The following VGLL4 variants were observed in gnomAD, a reference collection of about 807,000 sequenced individuals.
VGLL4 encodes the protein vestigial like family member 4, also known as transcription cofactor vestigial-like protein 4.
VGLL4 carries 7 observed loss-of-function variants against 21.0 expected under a neutral mutation model. That is an observed-to-expected ratio of 0.33 (90% CI 0.19 to 0.63). The LOEUF is 0.63. Ranked by LOEUF, VGLL4 falls within the 20% of genes least tolerant of loss-of-function variation. VGLL4 has a pLI of 0.78. For missense variants in VGLL4, 394 were observed against 425.7 expected (o/e 0.93, Z 0.66); for synonymous variants, 222 against 173.2 (o/e 1.28, Z -2.21).
At chr3:11,559,757 C>T (rs1477070947) in intron 3 of VGLL4, among the ~76,000 whole-genome samples, 4 of 152,156 alleles carry the variant, frequency 2.6e-5, no homozygotes, top group Non-Finnish European at 5.9e-5. Context: ...AGACAAACAC[C>T]GGGCATCCTG....
rs1269873773 is a variant in VGLL4, at chr3:11,719,880, C to G, written c.-14+514G>C. Among the ~76,000 whole-genome samples the G allele has an allele frequency of 6.6e-6, 1 of 151,988 alleles. No individual in the cohort carries two copies. Among genetic ancestry groups the G allele is most frequent in the South Asian group, 2.1e-4 (1 of 4,836 alleles). On this transcript the variant is annotated intron_variant, in intron 1 of 5. Transcript: ENST00000273038. This position sits in a 1 kb window ranked among gnomAD's most constrained non-coding sequence, Gnocchi z 4.0. ...GGGCAGTGAGGTTTGTCGGGGCGGG[C>G]GCTCCCGAGAGGCGCCAGCGGGCAG...
chr3:11,655,551 C>A lies in VGLL4; in HGVS notation c.64+47420G>T, dbSNP rs563285981. Among the ~76,000 whole-genome samples the A allele has an allele frequency of 3.0e-3, 457 of 152,346 alleles. 1 individual carries two copies. The highest frequency in any genetic ancestry group is 7.3e-3 in the South Asian group (35 of 4,826). ...AGCCTATCTTCTTAAATTATCAACA[C>A]CCAGTAGCTGGAATAGGACTTGAAA... On this transcript the variant is annotated intron_variant, in intron 2 of 5. Coordinates refer to the VGLL4 transcript ENST00000273038.
At chr3:11,618,910 T>TTTTTACA (rs2075213733) in intron 1 of VGLL4, among the ~76,000 whole-genome samples, 1 of 152,202 alleles carries the variant, frequency 6.6e-6, no homozygotes, top group Non-Finnish European at 1.5e-5. Context: ...CCTCTCTCTC[T>TTTTTACA]TTTTACATTT....
chr3:11,706,671 CCT>C (rs1446154671), intron 1 of VGLL4, among the ~76,000 whole-genome samples: 4 of 152,194 alleles, frequency 2.6e-5, no homozygotes, highest in African/African-American at 9.6e-5. Flanking sequence ...CAGTCACTCT[CCT>C]CTCTGGCCTC....
At chr3:11,680,675 C>G (rs1575525498) in intron 2 of VGLL4, among the ~76,000 whole-genome samples, 1 of 152,340 alleles carries the variant, frequency 6.6e-6, no homozygotes, top group East Asian at 1.9e-4. Context: ...GTGCACGACT[C>G]ACTCCAGACA....
At chr3:11,683,498 C>T (rs1295443068) in intron 2 of VGLL4, among the ~76,000 whole-genome samples, 1 of 152,198 alleles carries the variant, frequency 6.6e-6, no homozygotes, top group African/African-American at 2.4e-5. Context: ...TTTGTTGCAA[C>T]ACAATTCACA....
At chr3:11,573,307 G>GAAA (rs2073899907) in intron 2 of VGLL4, among the ~76,000 whole-genome samples, 2 of 19,966 alleles carry the variant, frequency 1.0e-4, no homozygotes, top group East Asian at 1.7e-3. Flanking sequence ...AAGAAAGAAA[G>GAAA]GAAGGAAGGA....
In VGLL4 at chr3:11,671,732, T is replaced by TA. The variant is rs5846720; in HGVS notation, c.64+31238dup. ...GATCTAAAAATTCACTTTTTTTTTTTAAATAACTTCAACTGGGAAAATTCC... is the reference window on the plus strand; with the variant it reads ...GATCTAAAAATTCACTTTTTTTTTTTAAAATAACTTCAACTGGGAAAATTCC... On this transcript the variant is annotated intron_variant, in intron 2 of 5. Coordinates refer to the VGLL4 transcript ENST00000273038. Among the ~76,000 whole-genome samples the TA allele has an allele frequency of 1.5e-4, 23 of 152,048 alleles. 1 individual carries two copies. Among genetic ancestry groups the TA allele is most frequent in the African/African-American group, 5.3e-4 (22 of 41,458 alleles).
intron 1 of VGLL4, among the ~76,000 whole-genome samples, chr3:11,704,383 C>CAAAAAAAAAAAAAAAAAA (rs57593843): frequency 7.1e-4 from 49 of 69,114 alleles, no homozygotes; most frequent in Non-Finnish European, 9.6e-4. Flanking sequence ...AACTCCGTCT[C>CAAAAAAAAAAAAAAAAAA]AAAAAAAAAA....
In VGLL4 at chr3:11,653,081, C is replaced by T. The variant is rs1021363693; in HGVS notation, c.64+49890G>A. ...AGAAAATGTCCCAAATATTCAACAACTGAAGGGCTAAGTTCGCTGCTAGCC... is the reference window on the plus strand; with the variant it reads ...AGAAAATGTCCCAAATATTCAACAATTGAAGGGCTAAGTTCGCTGCTAGCC... On this transcript the variant is annotated intron_variant, in intron 2 of 5. Transcript: ENST00000273038. The surrounding 1 kb of genome is among the most constrained non-coding windows in gnomAD (Gnocchi z 4.2). Among the ~76,000 whole-genome samples, 1 of 152,186 alleles carries T rather than the reference C, an allele frequency of 6.6e-6. No individual in the cohort carries two copies. Among genetic ancestry groups the T allele is most frequent in the African/African-American group, 2.4e-5 (1 of 41,448 alleles).
chr3:11,636,642 G>A (rs887609355), intron 1 of VGLL4, among the ~76,000 whole-genome samples: 3 of 152,198 alleles, frequency 2.0e-5, no homozygotes, highest in Non-Finnish European at 4.4e-5. Flanking sequence ...TAATGCAGCA[G>A]GAAAGTCGCT....
At chr3:11,670,950 T>C (rs572962622) in intron 2 of VGLL4, among the ~76,000 whole-genome samples, 71 of 152,272 alleles carry the variant, frequency 4.7e-4, no homozygotes, top group Middle Eastern at 3.4e-3. Flanking sequence ...GGCAGAAGAA[T>C]TGCTTGAACC....
rs533848259 is a variant in VGLL4 at position 11,717,285 on chromosome 3, A to G, written c.-14+3109T>C. Among the ~76,000 whole-genome samples, 5 of 150,474 alleles carry G rather than the reference A, an allele frequency of 3.3e-5. No individual in the cohort carries two copies. The South Asian group carries it at 1.1e-3, about 32-fold the overall frequency. ...CAACTTTTAGTACTTTTGTTAGGTC[A>G]TGTTCAAAGTTACAAAACAACTTTT... On this transcript the variant is annotated intron_variant, in intron 1 of 5. Coordinates refer to the VGLL4 transcript ENST00000273038.
intron 2 of VGLL4, among the ~76,000 whole-genome samples, chr3:11,678,063 G>A (rs1346235239): frequency 6.6e-6 from 1 of 151,398 alleles, no homozygotes; most frequent in African/African-American, 2.4e-5. Flanking sequence ...TTTGCTTTTT[G>A]TTTTTGAGGC....
At chr3:11,668,043 C>G (rs1429734617) in intron 2 of VGLL4, among the ~76,000 whole-genome samples, 1 of 151,336 alleles carries the variant, frequency 6.6e-6, no homozygotes, top group Non-Finnish European at 1.5e-5. Flanking sequence ...TTTGTAGAGA[C>G]CGGGTTTCAC....
chr3:11,651,381 G>A (rs1414373958), intron 2 of VGLL4, among the ~76,000 whole-genome samples: 2 of 149,726 alleles, frequency 1.3e-5, no homozygotes. Flanking sequence ...AAGGGTTTAA[G>A]GTAAAACCTA....
upstream of VGLL4, among the ~76,000 whole-genome samples, chr3:11,647,450 A>T (rs1195056526): frequency 6.6e-6 from 1 of 152,076 alleles, no homozygotes; most frequent in Non-Finnish European, 1.5e-5. Flanking sequence ...AGTAGTCCTT[A>T]TCCAAAATAC....
At chr3:11,654,415 C>G (rs936542548) in intron 2 of VGLL4, among the ~76,000 whole-genome samples, 1 of 152,168 alleles carries the variant, frequency 6.6e-6, no homozygotes, top group Non-Finnish European at 1.5e-5. Context: ...TCTAAACTCA[C>G]GCAAAGAGCA....
intron 2 of VGLL4, among the ~76,000 whole-genome samples, chr3:11,680,979 C>T (rs1395391004): frequency 6.6e-6 from 1 of 152,244 alleles, no homozygotes; most frequent in Non-Finnish European, 1.5e-5. Flanking sequence ...CCCGCCCCCA[C>T]GCCTCCCTTC....
Sources: allele counts gnomAD v4.1 joint callset (sites outside exome capture counted in the v4.1 genomes callset), GRCh38; gene constraint gnomAD v4.1.1; non-coding constraint Gnocchi (gnomAD v3.1); transcripts MANE v1.5; gene names NCBI Gene and HGNC (gene_info 2026-07-23, HGNC 2026-07-21).